Variants in WDPCP observed in about 807,000 individuals in gnomAD.
WDPCP encodes the protein WD repeat containing planar cell polarity effector, also known as WD repeat-containing and planar cell polarity effector protein fritz homolog.
WDPCP carries 71 observed loss-of-function variants against 93.1 expected under a neutral mutation model. The ratio of observed to expected loss-of-function variants is 0.76; its 90% CI spans 0.63 to 0.93. The LOEUF (loss-of-function observed/expected upper bound fraction) is 0.93. Among genes scored for constraint, WDPCP ranks in the 40% least tolerant of loss-of-function variants. The pLI, the probability that WDPCP is intolerant of heterozygous loss-of-function variation, is 0.00. For missense variants in WDPCP, 844 were observed against 887.4 expected (o/e 0.95, Z 0.62); for synonymous variants, 315 against 315.0 (o/e 1.00, Z 0.00).
chr2:63,639,073 A>G (rs1709952440), intron 3 of WDPCP, among the ~76,000 whole-genome samples: 1 of 152,222 alleles, frequency 6.6e-6, no homozygotes, highest in Non-Finnish European at 1.5e-5. Context: ...TGAAATAGAG[A>G]ATTTGAAACA....
At chr2:63,800,181 G>A (rs946295299) in intron 2 of WDPCP, among the ~76,000 whole-genome samples, 3 of 151,936 alleles carry the variant, frequency 2.0e-5, no homozygotes, top group African/African-American at 7.3e-5. Context: ...CAACTGAATG[G>A]CAACATATAA....
intron 13 of WDPCP, among the ~76,000 whole-genome samples, chr2:63,309,325 T>C (rs1685995075): frequency 1.3e-5 from 2 of 152,192 alleles, no homozygotes; most frequent in Non-Finnish European, 1.5e-5. Flanking sequence ...ATAATTAACA[T>C]TTATGTACCT....
At chr2:63,750,530 A>C (rs1428235023) in intron 2 of WDPCP, among the ~76,000 whole-genome samples, 1 of 151,962 alleles carries the variant, frequency 6.6e-6, no homozygotes, top group East Asian at 1.9e-4. Context: ...TAGGACCTTC[A>C]TTAACACTGT....
At chr2:63,642,032 C>T (rs1343644041) in intron 3 of WDPCP, among the ~76,000 whole-genome samples, 1 of 152,076 alleles carries the variant, frequency 6.6e-6, no homozygotes, top group East Asian at 1.9e-4. Flanking sequence ...TTCCCAGCAC[C>T]ATTTATTGAA....
At position 63,527,784 on chromosome 2, in the gene WDPCP, G is replaced by C. The variant is rs1045060110; in HGVS notation, c.76-34844C>G. Among the ~76,000 whole-genome samples, 3 of 152,164 alleles carry C rather than the reference G, an allele frequency of 2.0e-5. No homozygotes were observed. In the South Asian group the frequency reaches 6.2e-4, roughly 32 times the overall value. On this transcript the variant is annotated intron_variant, in intron 1 of 17. Coordinates refer to ENST00000272321, the MANE Select transcript of WDPCP (RefSeq NM_015910.7). ...GGTATTTCTAGTTCTAGATCCTTGA[G>C]GAATCGCCACACTGTCTTCCACAGT...
chr2:63,745,160 T>C (rs1558900367), intron 2 of WDPCP, among the ~76,000 whole-genome samples: 2 of 152,192 alleles, frequency 1.3e-5, no homozygotes, highest in African/African-American at 4.8e-5. Flanking sequence ...TGAGGATTTA[T>C]AAAGAGTAAA....
chr2:63,222,151 C>G (rs530416606), intron 14 of WDPCP, among the ~76,000 whole-genome samples: 1 of 152,316 alleles, frequency 6.6e-6, no homozygotes, highest in African/African-American at 2.4e-5. Flanking sequence ...AGTTTCATCT[C>G]TCTATATATA....
At chr2:63,331,274 C>T (rs558897415) in intron 12 of WDPCP, among the ~76,000 whole-genome samples, 3 of 152,242 alleles carry the variant, frequency 2.0e-5, no homozygotes, top group African/African-American at 7.2e-5. Flanking sequence ...GTAGTCACTG[C>T]ACCAGTGTTC....
At chr2:63,740,928 T>C (rs1200332129) in intron 2 of WDPCP, among the ~76,000 whole-genome samples, 2 of 152,216 alleles carry the variant, frequency 1.3e-5, no homozygotes, top group Non-Finnish European at 1.5e-5. Flanking sequence ...GCTTTACTTC[T>C]AGTTCTTCTG....
chr2:63,271,023 C>A (rs1327145955), intron 13 of WDPCP, among the ~76,000 whole-genome samples: 2 of 152,228 alleles, frequency 1.3e-5, no homozygotes, highest in Non-Finnish European at 2.9e-5. Context: ...AACATCAGCC[C>A]AGAGGGCTGT....
chr2:63,591,678 A>G (rs1209396182), upstream of WDPCP, among the ~76,000 whole-genome samples: 1 of 152,180 alleles, frequency 6.6e-6, no homozygotes, highest in East Asian at 1.9e-4. Context: ...TTCATTCAAC[A>G]AATACTTTTT....
intron 1 of WDPCP, among the ~76,000 whole-genome samples, chr2:63,578,439 T>C (rs1215513062): frequency 6.6e-6 from 1 of 152,150 alleles, no homozygotes; most frequent in East Asian, 1.9e-4. Flanking sequence ...TTATGAAAAC[T>C]GCACTTTCCA....
the WDPCP span, among the ~76,000 whole-genome samples, chr2:63,833,414 A>T: frequency 4.0e-5 from 6 of 151,620 alleles, no homozygotes; most frequent in South Asian, 2.1e-4. Flanking sequence ...AATTTGAAAT[A>T]AAAAAAAAGA....
At chr2:63,563,034 T>C (rs369627684) in intron 1 of WDPCP, among the ~76,000 whole-genome samples, 2 of 152,250 alleles carry the variant, frequency 1.3e-5, no homozygotes, top group East Asian at 3.9e-4. Context: ...GAAATATATG[T>C]AGGTATACAC....
chr2:63,434,031 A>G, intron 8 of WDPCP, 95 bp from the exon 9 acceptor site: 1 of 1,290,028 alleles, frequency 7.8e-7, no homozygotes, highest in Non-Finnish European at 1.1e-6. Context: ...AAATGTAGTT[A>G]CATGCAAGTA....
chr2:63,317,776 A>T (rs1686772392), intron 12 of WDPCP, among the ~76,000 whole-genome samples: 1 of 152,192 alleles, frequency 6.6e-6, no homozygotes, highest in South Asian at 2.1e-4. Flanking sequence ...AAGATGAACT[A>T]CAGACTTAAA....
intron 14 of WDPCP, among the ~76,000 whole-genome samples, chr2:63,231,226 C>T (rs1365544987): frequency 1.3e-5 from 2 of 152,132 alleles, no homozygotes; most frequent in African/African-American, 2.4e-5. Context: ...CAGTGTCATA[C>T]CGAATGGGCA....
At chr2:63,217,621 C>T (rs1574903512) in intron 14 of WDPCP, among the ~76,000 whole-genome samples, 1 of 152,110 alleles carries the variant, frequency 6.6e-6, no homozygotes, top group African/African-American at 2.4e-5. Context: ...TTCTCCTGAA[C>T]TAAAACTTTA....
chr2:63,702,542 T>TC (rs898498670), intron 2 of WDPCP, among the ~76,000 whole-genome samples: 2 of 151,370 alleles, frequency 1.3e-5, no homozygotes, highest in African/African-American at 4.9e-5. Context: ...CCCATTCTTT[T>TC]TTTTTTTGGT....
Sources: allele counts gnomAD v4.1 joint callset (sites outside exome capture counted in the v4.1 genomes callset), GRCh38; gene constraint gnomAD v4.1.1; transcripts MANE v1.5; gene names NCBI Gene and HGNC (gene_info 2026-07-23, HGNC 2026-07-21).